The following RBFOX1 variants were observed in gnomAD, a reference collection of about 807,000 sequenced individuals.
RBFOX1 encodes RNA binding protein fox-1 homolog 1.
In RBFOX1, 8 loss-of-function variants were observed where a neutral mutation model predicts 57.7. The ratio of observed to expected loss-of-function variants is 0.14; its 90% CI spans 0.08 to 0.25. RBFOX1 has a LOEUF of 0.25. Ranked by LOEUF, RBFOX1 falls within the 10% of genes least tolerant of loss-of-function variation. The probability of loss-of-function intolerance (pLI) is 1.00; values close to 1 mark genes in which losing one functional copy is unlikely to be tolerated. For missense variants in RBFOX1, 611 were observed against 548.5 expected (o/e 1.11, Z -1.14); for synonymous variants, 326 against 222.4 (o/e 1.47, Z -4.15).
chr16:6,213,466 A>G (rs1452790172), intron 1 of RBFOX1, among the ~76,000 whole-genome samples: 3 of 152,174 alleles, frequency 2.0e-5, no homozygotes, highest in Non-Finnish European at 4.4e-5. Context: ...CCTCAGCTGC[A>G]TTTGAACTAC....
chr16:6,273,097 T>C (rs2075385334), intron 1 of RBFOX1, among the ~76,000 whole-genome samples: 1 of 151,706 alleles, frequency 6.6e-6, no homozygotes, highest in African/African-American at 2.4e-5. Flanking sequence ...CCTTCTCTAC[T>C]AAAAATACAA....
At chr16:6,489,802 C>G (rs1357285628) in intron 2 of RBFOX1, among the ~76,000 whole-genome samples, 1 of 152,144 alleles carries the variant, frequency 6.6e-6, no homozygotes, top group Non-Finnish European at 1.5e-5. Context: ...TTCTCTCTAC[C>G]ATGACCACCT....
At chr16:6,083,537 C>A (rs1240146663) in intron 1 of RBFOX1, among the ~76,000 whole-genome samples, 1 of 152,024 alleles carries the variant, frequency 6.6e-6, no homozygotes, top group East Asian at 1.9e-4. Flanking sequence ...AGGGCAGTGG[C>A]ACAGTCACAG....
intron 1 of RBFOX1, among the ~76,000 whole-genome samples, chr16:6,245,313 TA>T (rs2097563134): frequency 6.6e-6 from 1 of 152,200 alleles, no homozygotes; most frequent in Admixed American, 6.5e-5. Context: ...TGGCCCTGAA[TA>T]CCTTGCCAAA....
chr16:5,270,152 T>G, intron 1 of RBFOX1: 1 of 303,282 alleles, frequency 3.3e-6, no homozygotes, highest in Non-Finnish European at 6.3e-6. Context: ...AAATTTAGCC[T>G]TTTGGTACTC....
intron 4 of RBFOX1, among the ~76,000 whole-genome samples, chr16:7,078,026 T>C (rs2058575759): frequency 6.6e-6 from 1 of 152,224 alleles, no homozygotes; most frequent in South Asian, 2.1e-4. Context: ...CCTCCATCAC[T>C]GCTAAGACAG....
chr16:7,448,300 C>G (rs1598651421), intron 4 of RBFOX1, among the ~76,000 whole-genome samples: 1 of 152,196 alleles, frequency 6.6e-6, no homozygotes, highest in South Asian at 2.1e-4. Context: ...TTAGTTGATT[C>G]TGATGCTGCT....
intron 14 of RBFOX1, among the ~76,000 whole-genome samples, chr16:7,693,809 C>T (rs1245085518): frequency 6.6e-6 from 1 of 152,118 alleles, no homozygotes; most frequent in African/African-American, 2.4e-5. Flanking sequence ...AAGACTGAAT[C>T]TATAAAGCTT....
chr16:6,456,227 G>C (rs980513206), intron 2 of RBFOX1, among the ~76,000 whole-genome samples: 4 of 152,140 alleles, frequency 2.6e-5, no homozygotes, highest in African/African-American at 7.2e-5. Context: ...TTCTGTAAAA[G>C]AGAATTGTGT....
At chr16:7,508,602 G>A (rs2074115482) in intron 4 of RBFOX1, among the ~76,000 whole-genome samples, 1 of 152,050 alleles carries the variant, frequency 6.6e-6, no homozygotes, top group Non-Finnish European at 1.5e-5. Flanking sequence ...AGATCCCCAA[G>A]GTATGATTGG....
intron 4 of RBFOX1, among the ~76,000 whole-genome samples, chr16:7,086,601 C>G (rs1038808828): frequency 1.3e-5 from 2 of 152,090 alleles, no homozygotes; most frequent in African/African-American, 4.8e-5. Context: ...TTCAGGAAAT[C>G]TTAGCTGTGC....
chr16:7,592,000 G>T (rs909972809), intron 7 of RBFOX1, among the ~76,000 whole-genome samples: 3 of 151,932 alleles, frequency 2.0e-5, no homozygotes, highest in Non-Finnish European at 4.4e-5. Context: ...GCAACCCTCA[G>T]GTGAGAATTT....
At chr16:7,082,220 C>G (rs1177385053) in intron 4 of RBFOX1, among the ~76,000 whole-genome samples, 1 of 152,148 alleles carries the variant, frequency 6.6e-6, no homozygotes, top group Non-Finnish European at 1.5e-5. Flanking sequence ...CAGGATGAAT[C>G]TACCTTCTCA....
intron 2 of RBFOX1, among the ~76,000 whole-genome samples, chr16:5,593,724 A>C (rs1443025869): frequency 6.6e-6 from 1 of 152,172 alleles, no homozygotes; most frequent in Non-Finnish European, 1.5e-5. Flanking sequence ...AAATAACCAT[A>C]AAAATGGGCA....
chr16:7,020,592 TTTATC>T (rs2038712708), intron 3 of RBFOX1, among the ~76,000 whole-genome samples: 1 of 152,170 alleles, frequency 6.6e-6, no homozygotes, highest in African/African-American at 2.4e-5. Flanking sequence ...ATATCTGTGT[TTTATC>T]AAAGCAACCA....
intron 3 of RBFOX1, among the ~76,000 whole-genome samples, chr16:5,788,115 C>T (rs905597514): frequency 6.6e-6 from 1 of 152,182 alleles, no homozygotes; most frequent in African/African-American, 2.4e-5. Flanking sequence ...GGAGATTCGA[C>T]TGCTGAAAAC....
chr16:6,234,122 C>G (rs1470200104), intron 1 of RBFOX1, among the ~76,000 whole-genome samples: 1 of 152,118 alleles, frequency 6.6e-6, no homozygotes, highest in Non-Finnish European at 1.5e-5. Flanking sequence ...GGGGAGGAGC[C>G]TGTATGAACC....
chr16:5,847,102 C>T (rs2056776132), intron 3 of RBFOX1, among the ~76,000 whole-genome samples: 1 of 152,134 alleles, frequency 6.6e-6, no homozygotes, highest in Non-Finnish European at 1.5e-5. Context: ...AGTGGCTGTG[C>T]AAGGGCCAGG....
chr16:5,730,610 G>A (rs73522301), intron 3 of RBFOX1, among the ~76,000 whole-genome samples: 3,072 of 150,990 alleles, frequency 0.02, 95 homozygotes, highest in African/African-American at 0.068. Flanking sequence ...CACCACTGCC[G>A]TTGTCACCAC....
Sources: allele counts gnomAD v4.1 joint callset (sites outside exome capture counted in the v4.1 genomes callset), GRCh38; gene constraint gnomAD v4.1.1; transcripts MANE v1.5; gene names NCBI Gene and HGNC (gene_info 2026-07-23, HGNC 2026-07-21).